The following HAUS6 variants were observed in gnomAD, a reference collection of about 807,000 sequenced individuals.
HAUS6 encodes HAUS augmin like complex subunit 6, also known as HAUS augmin-like complex subunit 6.
Under a neutral mutation model 106.8 loss-of-function variants are expected in HAUS6, and 80 were observed. The ratio of observed to expected loss-of-function variants is 0.75; its 90% CI spans 0.63 to 0.90. HAUS6 has a LOEUF of 0.90. Among genes scored for constraint, HAUS6 ranks in the 40% least tolerant of loss-of-function variants. The probability of loss-of-function intolerance (pLI) is 0.00; values close to 1 mark genes in which losing one functional copy is unlikely to be tolerated. For synonymous variants in HAUS6, 356 were observed against 379.1 expected (o/e 0.94, Z 0.71); for missense variants, 1,155 against 1,118.1 (o/e 1.03, Z -0.47).
chr9:19,092,178 C>T (rs1477473361), intron 4 of HAUS6, among the ~76,000 whole-genome samples: 1 of 151,716 alleles, frequency 6.6e-6, no homozygotes, highest in Non-Finnish European at 1.5e-5. Context: ...CAGTTGTCGC[C>T]GGGCACGGTG....
chr9:19,100,558 T>G (rs1007665736), intron 1 of HAUS6, among the ~76,000 whole-genome samples: 1 of 152,094 alleles, frequency 6.6e-6, no homozygotes. Flanking sequence ...TACCCTATGA[T>G]CCAGCAATCC....
intron 7 of HAUS6, 152 bp downstream of exon 7, chr9:19,086,582 T>C (rs903118705): frequency 6.5e-6 from 3 of 461,836 alleles, no homozygotes; most frequent in East Asian, 4.1e-5. Flanking sequence ...ATCATGCCAC[T>C]GCACTCCAGC....
chr9:19,093,720 T>C (rs919108075), intron 3 of HAUS6, among the ~76,000 whole-genome samples: 28 of 151,860 alleles, frequency 1.8e-4, no homozygotes, highest in African/African-American at 6.5e-4. Context: ...AATACAAAAG[T>C]TATCTGGGCA....
chr9:19,076,046 G>A (rs903679496), intron 11 of HAUS6, among the ~76,000 whole-genome samples: 1 of 151,070 alleles, frequency 6.6e-6, no homozygotes, highest in East Asian at 2.0e-4. Flanking sequence ...GTGGGTTAGA[G>A]GGTTTTTTTG....
chr9:19,077,791 G>A (rs1031511776), intron 10 of HAUS6, among the ~76,000 whole-genome samples: 4 of 151,846 alleles, frequency 2.6e-5, no homozygotes, highest in African/African-American at 9.7e-5. Flanking sequence ...TGAGTGTAGT[G>A]GCTCATGCCT....
intron 5 of HAUS6, 126 bp from the exon 6 acceptor site, chr9:19,087,282 G>A (rs1837320882): frequency 3.0e-6 from 2 of 669,386 alleles, no homozygotes; most frequent in Non-Finnish European, 2.7e-6. Flanking sequence ...GCAAGCTAAA[G>A]GACTCTAGAC....
At chr9:19,061,633 G>A (rs575803950) in intron 14 of HAUS6, among the ~76,000 whole-genome samples, 6 of 152,178 alleles carry the variant, frequency 3.9e-5, no homozygotes, top group African/African-American at 1.2e-4. Context: ...CTACGGGTTC[G>A]AGACCAACCT....
chr9:19,097,161 A>G (rs1167735829), intron 1 of HAUS6, among the ~76,000 whole-genome samples: 2 of 152,224 alleles, frequency 1.3e-5, no homozygotes, highest in Non-Finnish European at 2.9e-5. Flanking sequence ...AAGAAAACCT[A>G]GGCAATACCA....
intron 1 of HAUS6, among the ~76,000 whole-genome samples, chr9:19,099,248 G>A (rs1200521063): frequency 1.3e-5 from 2 of 149,618 alleles, no homozygotes; most frequent in Non-Finnish European, 3.0e-5. Context: ...CTCACTGCAA[G>A]CTCTGCCTCC....
chr9:19,058,715 T>G lies in HAUS6; in HGVS notation c.2052A>C (p.Ser684=), dbSNP rs142781641. The change falls in exon 16 of 17, where the codon TCA becomes TCC. Residue 684 remains serine, a synonymous_variant. Coordinates refer to ENST00000380502, the MANE Select transcript of HAUS6 (RefSeq NM_017645.5). The part of the protein sequence containing the change: ...HIDEPPTQNQ[S]DLLNKKVICK... The stretch of plus-strand genomic sequence containing the variant: ...AAATTACTTTCTTATTTAACAAATC[T>G]GACTGATTTTGTGTTGGTGGTTCAT... 208 of 1,614,072 alleles carry G rather than the reference T, an allele frequency of 1.3e-4. 3 individuals are homozygous for G. In the East Asian group the frequency reaches 4.5e-3, roughly 35 times the overall value.
rs1430500054 is a variant in HAUS6, at chr9:19,080,672, A to G, written c.871T>C (p.Leu291=). The change falls in exon 9 of 17, where the codon TTG becomes CTG. Residue 291 remains leucine, a splice_region_variant and synonymous_variant. Transcript: ENST00000380502. ...LDKIEKQMFQ[L]HIGNVYEAGK... is the part of the protein sequence containing the mutation. ...GCCTCATAAACATTTCCTATGTGCA[A>G]CTAAGGAATCAGGAGGAGAAAAAAA... The G allele has an allele frequency of 6.3e-7, 1 of 1,593,086 alleles. No individual in the cohort carries two copies. Among genetic ancestry groups the G allele is most frequent in the Non-Finnish European group, 8.6e-7 (1 of 1,164,370 alleles).
At chr9:19,097,585 A>C (rs1337023663) in intron 1 of HAUS6, among the ~76,000 whole-genome samples, 4 of 152,154 alleles carry the variant, frequency 2.6e-5, no homozygotes, top group African/African-American at 9.7e-5. Context: ...GGGATCATTA[A>C]AAAGTCAGGA....
chr9:19,072,232 G>C (rs1366002185), intron 11 of HAUS6, among the ~76,000 whole-genome samples: 1 of 151,680 alleles, frequency 6.6e-6, no homozygotes, highest in Non-Finnish European at 1.5e-5. Flanking sequence ...CTACAAATGG[G>C]CCAGGTACGA....
chr9:19,076,148 C>A (rs553028634), intron 11 of HAUS6, among the ~76,000 whole-genome samples: 9 of 151,080 alleles, frequency 6.0e-5, no homozygotes, highest in African/African-American at 1.9e-4. Context: ...TCATTTGAGC[C>A]CAGGAGTTCA....
chr9:19,082,662 C>G (rs1837183055), intron 8 of HAUS6, among the ~76,000 whole-genome samples: 1 of 152,062 alleles, frequency 6.6e-6, no homozygotes, highest in Non-Finnish European at 1.5e-5. Context: ...AGGAGAATCT[C>G]TTGAACCTGG....
rs1431667305 is a variant in HAUS6, at chr9:19,078,206, A to C, written c.1161T>G (p.Ser387=). 3 of 1,604,296 alleles carry C rather than the reference A, an allele frequency of 1.9e-6. No individual in the cohort carries two copies. In the South Asian group the frequency reaches 3.3e-5, roughly 18 times the overall value. ...TCCAACCTTTAATTAGACTGAAAGGAGACAAACCAAGAAATTCTTTCCACT... is the reference window on the plus strand; with the variant it reads ...TCCAACCTTTAATTAGACTGAAAGGCGACAAACCAAGAAATTCTTTCCACT... ...HKKWKEFLGL[S]PFSLIKGWTP... Residue 387 remains serine (S), a synonymous_variant, in exon 10 of 17, where the codon TCT becomes TCG. Transcript: ENST00000380502.
chr9:19,065,025 T>C lies in HAUS6; in HGVS notation c.1377-1445A>G, dbSNP rs541554407. The C allele has an allele frequency of 3.3e-5, 5 of 152,368 alleles. No individual in the cohort carries two copies. In the East Asian group the frequency reaches 9.6e-4, roughly 29 times the overall value. 9.4% of individuals were successfully genotyped at this position (152,368 alleles called of 1,614,324 possible). ...GCTAACACAGTGGTTGGTAGTGCAA[T>C]ACATACATGTTAACTATTTGATGGA... On this transcript the variant is annotated intron_variant, in intron 12 of 16. Transcript: ENST00000380502.
intron 2 of HAUS6, among the ~76,000 whole-genome samples, chr9:19,096,293 G>A (rs1033890425): frequency 1.3e-5 from 2 of 152,126 alleles, no homozygotes; most frequent in Admixed American, 1.3e-4. Context: ...TGCCGGGCGT[G>A]GTGGCTCACG....
intron 8 of HAUS6, among the ~76,000 whole-genome samples, chr9:19,080,977 C>T (rs1350143801): frequency 6.6e-6 from 1 of 151,950 alleles, no homozygotes; most frequent in Non-Finnish European, 1.5e-5. Context: ...GAGGCTGAGG[C>T]AGGAGAATCG....
Sources: allele counts gnomAD v4.1 joint callset (sites outside exome capture counted in the v4.1 genomes callset), GRCh38; gene constraint gnomAD v4.1.1; transcripts MANE v1.5; gene names NCBI Gene and HGNC (gene_info 2026-07-23, HGNC 2026-07-21).